Variants in CSPG5 observed in about 807,000 individuals in gnomAD.
The protein encoded by CSPG5 is acidic leucine-rich EGF-like domain-containing brain protein.
Under a neutral mutation model 39.8 loss-of-function variants are expected in CSPG5, and 25 were observed. That is an observed-to-expected ratio of 0.63 (90% CI 0.46 to 0.88). The LOEUF is 0.88. Among genes scored for constraint, CSPG5 ranks in the 40% least tolerant of loss-of-function variants. CSPG5 has a pLI of 0.00. For missense variants in CSPG5, 627 were observed against 702.2 expected (o/e 0.89, Z 1.21); for synonymous variants, 295 against 303.9 (o/e 0.97, Z 0.31).
chr3:47,578,520 T>A lies in CSPG5; in HGVS notation c.97+77A>T. On this transcript the variant is annotated intron_variant, in intron 1 of 4. Transcript: ENST00000264723. The surrounding 1 kb of genome is among the most constrained non-coding windows in gnomAD (Gnocchi z 6.0). ...CCTTGCCACAGCTCACAGCTCCACC[T>A]GTCCCCGCCGCCAGCGGGACCCCTG... is the stretch of plus-strand genomic sequence containing the variant. The A allele has an allele frequency of 4.9e-6, 2 of 410,376 alleles. No homozygotes were observed. Among genetic ancestry groups the A allele is most frequent in the Non-Finnish European group, 7.2e-6 (2 of 276,980 alleles). 25.4% of individuals were successfully genotyped at this position (410,376 alleles called of 1,614,324 possible). A position where few individuals can be genotyped will look rare whatever the true frequency, so the allele number is the denominator to read the frequency against.
Position 47,569,191 on chromosome 3 carries a change from G to A in CSPG5, c.1419C>T (p.Asn473=), listed in dbSNP as rs141882874. The change falls in exon 4 of 5, where the codon AAC becomes AAT. Residue 473 remains asparagine, a synonymous_variant. Transcript: ENST00000264723. ...CCTCGGCAATGGTGGAGAGGGAGAA[G>A]TTATCATTGTGGAGCTCAGATGGGG... The part of the protein sequence containing the change: ...FRTPSELHND[N]FSLSTIAEGS... The A allele has an allele frequency of 6.5e-4, 1,051 of 1,613,266 alleles. No individual in the cohort carries two copies. The highest frequency in any genetic ancestry group is 8.5e-4 in the Non-Finnish European group (1,005 of 1,179,608).
At chr3:47,562,863 A>G (rs1189818819) in intron 4 of CSPG5, 102 bp from the exon 5 acceptor site, 1 of 1,253,206 alleles carries the variant, frequency 8.0e-7, no homozygotes, top group Non-Finnish European at 1.1e-6. Context: ...CACTGAAACA[A>G]GGAAAAAGCT....
chr3:47,570,544 C>G (rs916440195), intron 3 of CSPG5, among the ~76,000 whole-genome samples: 1 of 150,186 alleles, frequency 6.7e-6, no homozygotes, highest in Non-Finnish European at 1.5e-5. Context: ...GAGTCTTGCT[C>G]TGTTGGCCAG....
chr3:47,578,669 G>T lies in CSPG5; in HGVS notation c.25C>A (p.Pro9Thr). 1 of 1,081,028 alleles carries T rather than the reference G, an allele frequency of 9.3e-7. No individual in the cohort carries two copies. Among genetic ancestry groups the T allele is most frequent in the Non-Finnish European group, 1.1e-6 (1 of 885,142 alleles). The allele number at this position is 1,081,028 out of a possible 1,614,324, so 67.0% of individuals were successfully genotyped here. A position where few individuals can be genotyped will look rare whatever the true frequency, so the allele number is the denominator to read the frequency against. The stretch of plus-strand genomic sequence containing the variant: ...AGCAGTGGCGGCGGCCCCCGGCCCG[G>T]GCCCCCGCCCCCGGCTCGCCCCATG... The part of the protein sequence containing the change: MGRAGGGG[P>T]GRGPPPLLLF... The change falls in exon 1 of 5, where the codon CCG (proline) becomes ACG (threonine). Residue 9 changes from proline (P) to threonine (T), a missense_variant. Physicochemically the swap from Pro to Thr is conservative, Grantham distance 38. Transcript: ENST00000264723. This position sits in a 1 kb window ranked among gnomAD's most constrained non-coding sequence, Gnocchi z 6.0.
rs1339355827 is a variant in CSPG5, at chr3:47,578,327, G to GCCCCGGCCCCGC, written c.97+258_97+269dup. 1.3e-4 allele frequency among the ~76,000 whole-genome samples: 5 copies of GCCCCGGCCCCGC among 39,154 alleles called. No individual in the cohort carries two copies. The highest frequency in any genetic ancestry group is 2.9e-4 in the African/African-American group (3 of 10,482). 25.7% of individuals were successfully genotyped at this position (39,154 alleles called of 152,430 possible). A position where few individuals can be genotyped will look rare whatever the true frequency, so the allele number is the denominator to read the frequency against. ...CACCCTCAGGCCCCGCCCCGGCCCC[G>GCCCCGGCCCCGC]CCCCGGCCCCGCCCCCGGCCCCGCC... On this transcript the variant is annotated intron_variant, in intron 1 of 4. Transcript: ENST00000264723. The surrounding 1 kb of genome is among the most constrained non-coding windows in gnomAD (Gnocchi z 6.0).
At chr3:47,569,289 A>G (rs994690585) in intron 3 of CSPG5, 62 bp from the exon 4 acceptor site, 37 of 1,526,558 alleles carry the variant, frequency 2.4e-5, no homozygotes, top group Non-Finnish European at 3.1e-5. Context: ...AAACATGACA[A>G]TGTCTCAGCT....
intron 4 of CSPG5, among the ~76,000 whole-genome samples, chr3:47,564,781 G>A (rs1309690621): frequency 6.6e-6 from 1 of 152,086 alleles, no homozygotes; most frequent in Non-Finnish European, 1.5e-5. Flanking sequence ...GTGTGTTTGT[G>A]TGTGTATATA....
In CSPG5 at chr3:47,578,630, C is replaced by T. The variant is rs1426508576; in HGVS notation, c.64G>A (p.Ala22Thr). The T allele has an allele frequency of 7.7e-6, 9 of 1,166,488 alleles. No individual in the cohort carries two copies. Among genetic ancestry groups the T allele is most frequent in the Non-Finnish European group, 9.5e-6 (9 of 943,336 alleles). 72.3% of individuals were successfully genotyped at this position (1,166,488 alleles called of 1,614,324 possible). A position where few individuals can be genotyped will look rare whatever the true frequency, so the allele number is the denominator to read the frequency against. Residue 22 changes from alanine (A) to threonine (T), a missense_variant, in exon 1 of 5, where the codon GCC becomes ACC. Transcript: ENST00000264723. This position sits in a 1 kb window ranked among gnomAD's most constrained non-coding sequence, Gnocchi z 6.0. ...GPPPLLLFLG[A>T]ALVLASGAVP... ...GCCCCAGAGGCCAGGACCAGCGCGGCCCCCAGAAACAGCAGCAGTGGCGGC... is the reference window on the plus strand; with the variant it reads ...GCCCCAGAGGCCAGGACCAGCGCGGTCCCCAGAAACAGCAGCAGTGGCGGC...
Position 47,562,488 on chromosome 3 carries a change from AAG to A in CSPG5, c.*110_*111del. On this transcript the variant is annotated 3_prime_UTR_variant, in exon 5 of 5. Transcript: ENST00000264723. ...TAAAAGCATGCCATGAGATCAGAAAAAGAAAAGAGTTTAACAAATGGTTACAA... is the reference window on the plus strand; with the variant it reads ...TAAAAGCATGCCATGAGATCAGAAAAAAAAGAGTTTAACAAATGGTTACAA... 9.0e-6 allele frequency: 10 copies of A among 1,105,498 alleles called. No individual in the cohort carries two copies. In the South Asian group the frequency reaches 1.8e-4, roughly 20 times the overall value. 68.5% of individuals were successfully genotyped at this position (1,105,498 alleles called of 1,614,324 possible).
intron 3 of CSPG5, among the ~76,000 whole-genome samples, chr3:47,570,594 C>T (rs1363959587): frequency 6.6e-6 from 1 of 151,702 alleles, no homozygotes; most frequent in Non-Finnish European, 1.5e-5. Context: ...ACCGCAACCT[C>T]CACCTACTGG....
At position 47,577,705 on chromosome 3, in the gene CSPG5, G is replaced by T. The variant is rs765282762; in HGVS notation, c.321C>A (p.Gly107=). Residue 107 remains glycine, a synonymous_variant, in exon 2 of 5, where the codon GGC becomes GGA. Coordinates refer to ENST00000264723, the MANE Select transcript of CSPG5 (RefSeq NM_006574.4). This position sits in a 1 kb window ranked among gnomAD's most constrained non-coding sequence, Gnocchi z 4.7. ...CCGCCTCTGCGGTCACTCCTCCCAG[G>T]CCTGGGCTGTCAGCTTCCAGCCAGG... The part of the protein sequence containing the change: ...GTAWLEADSP[G]LGGVTAEAGS... 28 of 1,584,224 alleles carry T rather than the reference G, an allele frequency of 1.8e-5. No individual in the cohort carries two copies. Among genetic ancestry groups the T allele is most frequent in the Non-Finnish European group, 2.1e-5 (24 of 1,168,930 alleles).
At chr3:47,571,492 G>A (rs2031527880) in intron 3 of CSPG5, among the ~76,000 whole-genome samples, 1 of 152,230 alleles carries the variant, frequency 6.6e-6, no homozygotes, top group African/African-American at 2.4e-5. Context: ...GTGTAGGCGT[G>A]AGGAGCCAGG....
rs552576972 is a variant in CSPG5, at chr3:47,562,588, TCTTGCTCTG to T, written c.*3_*11del. On this transcript the variant is annotated 3_prime_UTR_variant, in exon 5 of 5. Coordinates refer to ENST00000264723, the MANE Select transcript of CSPG5 (RefSeq NM_006574.4). Reference sequence around the variant, plus strand: ...CACCCACTACCCCCGCTTCCTCTCTTCTTGCTCTGCTTTAGGTTAAATTATTCTGAAGAC... The same window carrying T: ...CACCCACTACCCCCGCTTCCTCTCTTCTTTAGGTTAAATTATTCTGAAGAC... 618 of 1,606,814 alleles carry T rather than the reference TCTTGCTCTG, an allele frequency of 3.8e-4. 7 individuals are homozygous for T. In the South Asian group the frequency reaches 6.5e-3, roughly 17 times the overall value.
Position 47,575,929 on chromosome 3 carries a change from C to CTTT in CSPG5, c.1193+901_1193+903dup, listed in dbSNP as rs370578310. The stretch of plus-strand genomic sequence containing the variant: ...TCTTAAAGAATTCCCTTCATTTTGC[C>CTTT]TTTTTTTTTTTTTTTTTTTTTTTTT... On this transcript the variant is annotated intron_variant, in intron 2 of 4. Transcript: ENST00000264723. Among the ~76,000 whole-genome samples the CTTT allele has an allele frequency of 2.4e-3, 237 of 99,598 alleles. 1 individual carries two copies. Among genetic ancestry groups the CTTT allele is most frequent in the Non-Finnish European group, 3.4e-3 (169 of 50,442 alleles). The allele number at this position is 99,598 out of a possible 152,430, so 65.3% of individuals were successfully genotyped here.
At chr3:47,564,927 T>C (rs1042316405) in intron 4 of CSPG5, among the ~76,000 whole-genome samples, 7 of 152,120 alleles carry the variant, frequency 4.6e-5, no homozygotes, top group Non-Finnish European at 8.8e-5. Flanking sequence ...ATAAGTATCT[T>C]AGGTAGGATG....
In CSPG5 at chr3:47,562,644, G is replaced by A; in HGVS notation, c.1576C>T (p.Gln526Ter). 6.2e-7 allele frequency: 1 copy of A among 1,613,746 alleles called. No homozygotes were observed. The highest frequency in any genetic ancestry group is 1.3e-5 in the African/African-American group (1 of 74,922). Residue 526 changes from glutamine (Q) to a stop codon, truncating the protein, a stop_gained, in exon 5 of 5, where the codon CAG (glutamine) becomes TAG (stop). Coordinates refer to ENST00000264723, the MANE Select transcript of CSPG5 (RefSeq NM_006574.4). LOFTEE classifies it high-confidence loss of function. ...SPKLEGGKGDQADLDVNCLQN... is the reference protein window; with the variant it reads ...SPKLEGGKGD ...AGACAGTTCACATCCAAGTCAGCCT[G>A]GTCACCTTTGCCACCCTCAAGTTTG...
intron 4 of CSPG5, among the ~76,000 whole-genome samples, chr3:47,563,922 C>T (rs570461186): frequency 3.3e-5 from 5 of 152,214 alleles, no homozygotes; most frequent in African/African-American, 4.8e-5. Context: ...ACATTCTGCA[C>T]GTTCAGAGAA....
At position 47,577,308 on chromosome 3, in the gene CSPG5, C is replaced by G. The variant is rs1240657968; in HGVS notation, c.718G>C (p.Asp240His). Reference protein sequence around the residue: ...GSPGTSENHPDTEGETPSWSL... With the variant: ...GSPGTSENHPHTEGETPSWSL... ...CAGGAAGGGGTCTCTCCCTCAGTATCAGGGTGGTTCTCTGAGGTTCCTGGT... is the reference window on the plus strand; with the variant it reads ...CAGGAAGGGGTCTCTCCCTCAGTATGAGGGTGGTTCTCTGAGGTTCCTGGT... The change falls in exon 2 of 5, where the codon GAT becomes CAT. Residue 240 changes from aspartate to histidine, a missense_variant. Physicochemically the swap from Asp to His is moderately conservative, Grantham distance 81 (BLOSUM62 -1). Transcript: ENST00000264723. The surrounding 1 kb of genome is among the most constrained non-coding windows in gnomAD (Gnocchi z 4.7). 6.2e-7 allele frequency: 1 copy of G among 1,613,770 alleles called. No homozygotes were observed. Among genetic ancestry groups the G allele is most frequent in the South Asian group, 1.1e-5 (1 of 91,008 alleles).
chr3:47,568,807 G>A (rs1055974536), intron 4 of CSPG5, among the ~76,000 whole-genome samples: 47 of 152,130 alleles, frequency 3.1e-4, no homozygotes, highest in African/African-American at 1.1e-3. Context: ...CTTGAGGCCA[G>A]GAGTTCGAGA....
Sources: allele counts gnomAD v4.1 joint callset (sites outside exome capture counted in the v4.1 genomes callset), GRCh38; gene constraint gnomAD v4.1.1; non-coding constraint Gnocchi (gnomAD v3.1); transcripts MANE v1.5; gene names NCBI Gene and HGNC (gene_info 2026-07-23, HGNC 2026-07-21).